SAXO1: variants seen among roughly 807,000 people sequenced by gnomAD.
The protein encoded by SAXO1 is stabilizer of axonemal microtubules 1.
In SAXO1, 21 loss-of-function variants were observed where a neutral mutation model predicts 17.5. The observed-to-expected ratio is 1.20, with a 90% CI of 0.85 to 1.72. The LOEUF (loss-of-function observed/expected upper bound fraction) is 1.72, where lower values mean the gene tolerates loss of function less well. Ranked by LOEUF, SAXO1 falls within the 40% of genes most tolerant of loss-of-function variation. The pLI, the probability that SAXO1 is intolerant of heterozygous loss-of-function variation, is 0.00. For missense variants in SAXO1, 843 were observed against 596.0 expected (o/e 1.41, Z -4.32); for synonymous variants, 274 against 216.5 (o/e 1.27, Z -2.33).
At chr9:18,986,051 CAT>C (rs1156626913) in intron 1 of SAXO1, among the ~76,000 whole-genome samples, 5 of 152,252 alleles carry the variant, frequency 3.3e-5, no homozygotes, top group South Asian at 2.1e-4. Context: ...TTTCTTCACA[CAT>C]GATTGCACTT....
intron 1 of SAXO1, among the ~76,000 whole-genome samples, chr9:19,022,523 GT>G (rs978497051): frequency 5.9e-5 from 9 of 152,170 alleles, no homozygotes; most frequent in Admixed American, 1.3e-4. Flanking sequence ...TGTATGTAGA[GT>G]TTTTTTCATT....
chr9:18,963,450 T>C (rs1293011127), intron 1 of SAXO1, among the ~76,000 whole-genome samples: 2 of 152,226 alleles, frequency 1.3e-5, no homozygotes, highest in South Asian at 2.1e-4. Context: ...GCAATGTTTT[T>C]CCACTTGTTG....
At chr9:18,974,398 A>G (rs764336456) in intron 1 of SAXO1, among the ~76,000 whole-genome samples, 2 of 152,220 alleles carry the variant, frequency 1.3e-5, no homozygotes, top group Non-Finnish European at 2.9e-5. Context: ...GTGTGTATCT[A>G]TATAGAAGCA....
At chr9:19,048,399 G>T (rs1836271644) in intron 1 of SAXO1, among the ~76,000 whole-genome samples, 2 of 152,120 alleles carry the variant, frequency 1.3e-5, no homozygotes, top group African/African-American at 4.8e-5. Context: ...GTAGGTTGCA[G>T]TGAGCTGAGA....
upstream of SAXO1, among the ~76,000 whole-genome samples, chr9:19,038,026 T>C (rs1835984393): frequency 6.6e-6 from 1 of 152,166 alleles, no homozygotes; most frequent in Admixed American, 6.5e-5. Flanking sequence ...TCACTGGTCA[T>C]CAGAGAAATG....
intron 1 of SAXO1, among the ~76,000 whole-genome samples, chr9:18,952,854 G>A (rs1832088268): frequency 6.6e-6 from 1 of 152,112 alleles, no homozygotes; most frequent in Admixed American, 6.5e-5. Flanking sequence ...ACAAAGCTAT[G>A]TATTTCTATT....
At chr9:19,004,437 T>C (rs917926529) in intron 1 of SAXO1, among the ~76,000 whole-genome samples, 4 of 152,184 alleles carry the variant, frequency 2.6e-5, no homozygotes, top group African/African-American at 9.7e-5. Context: ...TGCGGCACTA[T>C]TCACAATAGC....
rs116713486 is a variant in SAXO1, at chr9:19,016,080, C to T, written c.38+16791G>A. Among the ~76,000 whole-genome samples, 989 of 152,254 alleles carry T rather than the reference C, an allele frequency of 6.5e-3. 8 individuals carry two copies. The highest frequency in any genetic ancestry group is 0.022 in the African/African-American group (932 of 41,528). ...GCACCATCATGAGAAAAGCTTTGTC[C>T]CTCTCCAAGGACAATAATATAAGAT... On this transcript the variant is annotated intron_variant, in intron 1 of 3. Coordinates refer to ENST00000380534, the MANE Select transcript of SAXO1 (RefSeq NM_153707.4).
intron 1 of SAXO1, among the ~76,000 whole-genome samples, chr9:19,038,411 G>A (rs1180527104): frequency 6.6e-6 from 1 of 151,942 alleles, no homozygotes; most frequent in African/African-American, 2.4e-5. Context: ...TATACACCAT[G>A]GAATACTATG....
At chr9:19,046,024 G>T (rs536364661) in intron 1 of SAXO1, among the ~76,000 whole-genome samples, 1 of 146,428 alleles carries the variant, frequency 6.8e-6, no homozygotes, top group African/African-American at 2.6e-5. Flanking sequence ...GGAGGCGGAG[G>T]TTGCGGTGAG....
At chr9:19,033,570 C>A (rs769007861), upstream of SAXO1, among the ~76,000 whole-genome samples, 2 of 152,234 alleles carry the variant, frequency 1.3e-5, no homozygotes, top group Non-Finnish European at 2.9e-5. Flanking sequence ...GTTTCCAGAT[C>A]TTCCTGTGGA....
intron 1 of SAXO1, among the ~76,000 whole-genome samples, chr9:18,955,889 C>G (rs1832237227): frequency 6.6e-6 from 1 of 152,058 alleles, no homozygotes; most frequent in Non-Finnish European, 1.5e-5. Flanking sequence ...GAGATTATGT[C>G]CCCACCTCTT....
chr9:19,038,969 T>C (rs1446317943), intron 1 of SAXO1, among the ~76,000 whole-genome samples: 2 of 152,148 alleles, frequency 1.3e-5, no homozygotes, highest in Non-Finnish European at 2.9e-5. Flanking sequence ...GTAAAATTAA[T>C]ACTCAGTGGT....
At chr9:19,007,329 G>A (rs998892921) in intron 1 of SAXO1, among the ~76,000 whole-genome samples, 35 of 152,028 alleles carry the variant, frequency 2.3e-4, no homozygotes, top group African/African-American at 8.2e-4. Context: ...CCTGGTCAAA[G>A]AGCAGAACTC....
At chr9:19,035,377 C>A (rs939154570), upstream of SAXO1, among the ~76,000 whole-genome samples, 1 of 152,204 alleles carries the variant, frequency 6.6e-6, no homozygotes, top group Non-Finnish European at 1.5e-5. Flanking sequence ...TCACCTCCCA[C>A]CATGATTCTG....
At chr9:18,975,205 G>A (rs1833093101) in intron 1 of SAXO1, among the ~76,000 whole-genome samples, 1 of 6,942 alleles carries the variant, frequency 1.4e-4, no homozygotes, top group African/African-American at 5.2e-4. Context: ...CAAGGAGGCT[G>A]CAGGCTGGGG....
intron 1 of SAXO1, among the ~76,000 whole-genome samples, chr9:19,044,166 C>T (rs1836147537): frequency 1.3e-5 from 2 of 151,634 alleles, no homozygotes; most frequent in African/African-American, 4.9e-5. Flanking sequence ...GGATTGTTTG[C>T]AACACAAAGG....
rs112031315 is a variant in SAXO1, at chr9:18,945,009, T to C, written c.219-3170A>G. On this transcript the variant is annotated intron_variant, in intron 2 of 3. Coordinates refer to ENST00000380534, the MANE Select transcript of SAXO1 (RefSeq NM_153707.4). Reference sequence around the variant, plus strand: ...CCTGCCCTCTTTCTCGGGAATCTCATCTGCAGACCATCTCCTAGGCCATGC... The same window carrying C: ...CCTGCCCTCTTTCTCGGGAATCTCACCTGCAGACCATCTCCTAGGCCATGC... Among the ~76,000 whole-genome samples, 780 of 152,300 alleles carry C rather than the reference T, an allele frequency of 5.1e-3. 8 individuals are homozygous for C. The highest frequency in any genetic ancestry group is 0.018 in the African/African-American group (733 of 41,572).
chr9:18,975,627 G>A (rs1326230695), intron 1 of SAXO1, among the ~76,000 whole-genome samples: 2 of 152,220 alleles, frequency 1.3e-5, no homozygotes, highest in Admixed American at 6.5e-5. Flanking sequence ...AGTGACTAGT[G>A]AGAAGGCCTC....
Sources: gnomAD v4.1 joint callset for allele counts (sites outside exome capture counted in the v4.1 genomes callset) on GRCh38, gnomAD v4.1.1 for gene constraint, MANE v1.5 for transcripts, NCBI Gene and HGNC (gene_info 2026-07-23, HGNC 2026-07-21) for gene names.